The following ESR1 variants were observed in gnomAD, a reference collection of about 807,000 sequenced individuals.
The protein encoded by ESR1 is estrogen receptor.
ESR1 carries 12 observed loss-of-function variants against 52.7 expected under a neutral mutation model. That is an observed-to-expected ratio of 0.23 (90% confidence interval 0.15 to 0.37). ESR1 has a LOEUF of 0.37. ESR1 is among the 10% of genes least tolerant of loss of function. The pLI is 1.00. For synonymous variants in ESR1, 305 were observed against 316.8 expected, an observed-to-expected ratio of 0.96 and a Z score of 0.39; for missense variants, 584 against 779.7, an observed-to-expected ratio of 0.75 and a Z score of 2.99.
intron 3 of ESR1, among the ~76,000 whole-genome samples, chr6:151,921,918 C>CT (rs2031772668): frequency 1.3e-5 from 2 of 152,162 alleles, no homozygotes; most frequent in Non-Finnish European, 2.9e-5. Flanking sequence ...GTTTCTTTTG[C>CT]TGTACAGAAG....
At chr6:151,880,559 A>G in intron 2 of ESR1, 96 bp from the exon 3 acceptor site, 1 of 799,902 alleles carries the variant, frequency 1.3e-6, no homozygotes, top group South Asian at 1.3e-5. Context: ...AGGCTGAGGA[A>G]GTGATAGGAA....
At chr6:152,110,381 A>G (rs571963860) in intron 6 of ESR1, among the ~76,000 whole-genome samples, 2 of 152,362 alleles carry the variant, frequency 1.3e-5, no homozygotes, top group African/African-American at 4.8e-5. Context: ...CTGCAGGAAC[A>G]TGGATGGCGC....
intron 4 of ESR1, among the ~76,000 whole-genome samples, chr6:151,957,072 T>C (rs1214003415): frequency 2.6e-5 from 4 of 151,566 alleles, no homozygotes; most frequent in Admixed American, 2.6e-4. Flanking sequence ...AGAGATGGGC[T>C]TTCACTGTGT....
chr6:151,703,125 G>T (rs1350584736), intron 2 of ESR1, among the ~76,000 whole-genome samples: 1 of 152,210 alleles, frequency 6.6e-6, no homozygotes, highest in Admixed American at 6.5e-5. Context: ...ATATTACTCA[G>T]CGTGGTAATT....
At chr6:152,115,446 T>C (rs2051199280) in intron 6 of ESR1, among the ~76,000 whole-genome samples, 1 of 152,132 alleles carries the variant, frequency 6.6e-6, no homozygotes, top group South Asian at 2.1e-4. Context: ...CCTTACTTCA[T>C]ACTAATGACA....
chr6:152,067,073 A>C (rs2128975957), intron 6 of ESR1, among the ~76,000 whole-genome samples: 2 of 152,272 alleles, frequency 1.3e-5, no homozygotes, highest in East Asian at 3.9e-4. Flanking sequence ...TTAGCAGGTA[A>C]TAAATAAATC....
intron 1 of ESR1, among the ~76,000 whole-genome samples, chr6:151,700,551 T>C (rs1221066984): frequency 6.6e-6 from 1 of 152,154 alleles, no homozygotes; most frequent in Non-Finnish European, 1.5e-5. Context: ...ATAAACTACT[T>C]ACTTTGAGCA....
chr6:151,658,156 T>G (rs549315861), intron 1 of ESR1, among the ~76,000 whole-genome samples: 30 of 152,332 alleles, frequency 2.0e-4, no homozygotes, highest in African/African-American at 6.0e-4. Flanking sequence ...CACACTGCAG[T>G]GTCTTGACTG....
chr6:151,789,747 T>G (rs553417235), intron 2 of ESR1, among the ~76,000 whole-genome samples: 1 of 152,334 alleles, frequency 6.6e-6, no homozygotes, highest in East Asian at 1.9e-4. Context: ...GAGTTTCATT[T>G]CATCTCACAA....
intron 6 of ESR1, among the ~76,000 whole-genome samples, chr6:152,088,243 T>C (rs907127244): frequency 2.0e-5 from 3 of 152,220 alleles, no homozygotes; most frequent in Non-Finnish European, 4.4e-5. Context: ...TATGTACTTA[T>C]AATGAATGTT....
intron 2 of ESR1, among the ~76,000 whole-genome samples, chr6:151,726,381 G>T (rs923912921): frequency 6.6e-6 from 1 of 151,828 alleles, no homozygotes; most frequent in African/African-American, 2.4e-5. Flanking sequence ...GCCCAGGCTG[G>T]AGTGCAGTGG....
chr6:151,990,228 T>A (rs141641114), intron 4 of ESR1, among the ~76,000 whole-genome samples: 1 of 151,960 alleles, frequency 6.6e-6, no homozygotes, highest in Non-Finnish European at 1.5e-5. Context: ...TTGGTGATAT[T>A]CCATTTGTGG....
At chr6:151,924,768 C>T (rs534571028) in intron 3 of ESR1, among the ~76,000 whole-genome samples, 17 of 152,224 alleles carry the variant, frequency 1.1e-4, no homozygotes, top group African/African-American at 3.4e-4. Flanking sequence ...GACATGCTCT[C>T]GTGTTTTTTT....
At chr6:151,955,040 T>C (rs1243790376) in intron 4 of ESR1, among the ~76,000 whole-genome samples, 6 of 152,136 alleles carry the variant, frequency 3.9e-5, no homozygotes, top group Non-Finnish European at 8.8e-5. Context: ...AAATAGTCAA[T>C]TAGTATCTAA....
intron 1 of ESR1, among the ~76,000 whole-genome samples, chr6:151,669,953 C>T (rs1208610803): frequency 6.6e-6 from 1 of 152,098 alleles, no homozygotes; most frequent in Non-Finnish European, 1.5e-5. Context: ...TTTAGATCCA[C>T]GACAAAAGTA....
chr6:151,792,987 G>A (rs1473536423), intron 2 of ESR1, among the ~76,000 whole-genome samples: 1 of 151,890 alleles, frequency 6.6e-6, no homozygotes, highest in Non-Finnish European at 1.5e-5. Flanking sequence ...TGGCTAACAC[G>A]GTGAAACCCT....
At chr6:151,737,690 A>T (rs1326767049) in intron 2 of ESR1, among the ~76,000 whole-genome samples, 5 of 152,148 alleles carry the variant, frequency 3.3e-5, no homozygotes, top group African/African-American at 1.2e-4. Context: ...TTCCTTGACT[A>T]GCCTTCCTAG....
intron 4 of ESR1, among the ~76,000 whole-genome samples, chr6:151,958,416 G>A (rs144505277): frequency 6.6e-6 from 1 of 152,302 alleles, no homozygotes; most frequent in African/African-American, 2.4e-5. Context: ...AGAAACAGAG[G>A]CATTGAGATG....
At chr6:152,026,231 T>C (rs1420646766) in intron 5 of ESR1, among the ~76,000 whole-genome samples, 1 of 152,056 alleles carries the variant, frequency 6.6e-6, no homozygotes, top group African/African-American at 2.4e-5. Flanking sequence ...TATCTTCTTA[T>C]AATTTTTGCT....
Sources: allele counts gnomAD v4.1 joint callset (sites outside exome capture counted in the v4.1 genomes callset), GRCh38; gene constraint gnomAD v4.1.1; transcripts MANE v1.5; gene names NCBI Gene and HGNC (gene_info 2026-07-23, HGNC 2026-07-21).